SORCS1: variants seen among roughly 807,000 people sequenced by gnomAD.
SORCS1 encodes the protein sortilin related VPS10 domain containing receptor 1.
A neutral mutation model predicts 146.1 loss-of-function variants in SORCS1; 60 were observed. The ratio of observed to expected loss-of-function variants is 0.41; its 90% CI spans 0.33 to 0.51. The LOEUF is 0.51. Among genes scored for constraint, SORCS1 ranks in the 20% least tolerant of loss-of-function variants. The pLI, the probability that SORCS1 is intolerant of heterozygous loss-of-function variation, is 0.21. For synonymous variants in SORCS1, 637 were observed against 584.0 expected (o/e 1.09, Z -1.31); for missense variants, 1,352 against 1,487.6 (o/e 0.91, Z 1.50).
At chr10:107,121,574 G>T (rs1966414495) in intron 1 of SORCS1, among the ~76,000 whole-genome samples, 1 of 151,904 alleles carries the variant, frequency 6.6e-6, no homozygotes, top group Admixed American at 6.6e-5. Flanking sequence ...AATGTAAAAT[G>T]GCTAACTGTG....
Position 107,164,668 on chromosome 10 carries a change from G to A in SORCS1, c.-142C>T, listed in dbSNP as rs1714527387. ...CGCGGTGGGGGCGGGCGGAGGCGGC[G>A]CCGGGCAGGTGGCGGCCGCTTGCCC... On this transcript the variant is annotated 5_prime_UTR_variant, in exon 1 of 26. Coordinates refer to ENST00000263054, the MANE Select transcript of SORCS1 (RefSeq NM_052918.5). This position sits in a 1 kb window ranked among gnomAD's most constrained non-coding sequence, Gnocchi z 6.8. 4.7e-6 allele frequency: 3 copies of A among 643,876 alleles called. No homozygotes were observed. The highest frequency in any genetic ancestry group is 6.7e-6 in the Non-Finnish European group (3 of 450,292). 39.9% of individuals were successfully genotyped at this position (643,876 alleles called of 1,614,324 possible).
At chr10:106,827,206 C>CTTTTTTTTTTTTTT (rs71025560) in intron 3 of SORCS1, among the ~76,000 whole-genome samples, 1 of 135,908 alleles carries the variant, frequency 7.4e-6, no homozygotes, top group Non-Finnish European at 1.6e-5. Flanking sequence ...TATTTGGCAT[C>CTTTTTTTTTTTTTT]TTTTTTTTTT....
intron 5 of SORCS1, 24 bp downstream of exon 5, chr10:106,761,564 G>T (rs748185169): frequency 8.1e-6 from 13 of 1,599,640 alleles, no homozygotes; most frequent in Non-Finnish European, 1.1e-5. Flanking sequence ...ATCTTAATGT[G>T]CTACAAGATA....
intron 18 of SORCS1, among the ~76,000 whole-genome samples, chr10:106,648,505 T>C (rs1374783412): frequency 6.6e-6 from 1 of 152,236 alleles, no homozygotes; most frequent in African/African-American, 2.4e-5. Context: ...TGATTATCAT[T>C]CTTGGTCTGC....
chr10:106,947,795 C>T (rs1379955563), intron 2 of SORCS1, among the ~76,000 whole-genome samples: 1 of 151,644 alleles, frequency 6.6e-6, no homozygotes, highest in Non-Finnish European at 1.5e-5. Context: ...TTGCAGTGAG[C>T]CGAGAACATG....
intron 23 of SORCS1, among the ~76,000 whole-genome samples, chr10:106,603,616 G>C (rs1465005671): frequency 5.3e-5 from 8 of 152,092 alleles, no homozygotes; most frequent in Non-Finnish European, 1.5e-5. Context: ...ACTGCAGGGG[G>C]ATCTGTACTG....
intron 1 of SORCS1, among the ~76,000 whole-genome samples, chr10:107,084,567 C>T (rs182966123): frequency 6.4e-4 from 97 of 150,812 alleles, no homozygotes; most frequent in Non-Finnish European, 1.3e-3. Flanking sequence ...AATTTTCTGG[C>T]GTAAAAAAAA....
chr10:106,859,847 CCATCTA>C (rs1265487312), intron 2 of SORCS1, among the ~76,000 whole-genome samples: 1 of 152,184 alleles, frequency 6.6e-6, no homozygotes, highest in Non-Finnish European at 1.5e-5. Context: ...TACCAGATGG[CCATCTA>C]CTAGGAGCAA....
intron 3 of SORCS1, among the ~76,000 whole-genome samples, chr10:106,823,260 C>G (rs1948144692): frequency 6.6e-6 from 1 of 152,062 alleles, no homozygotes; most frequent in African/African-American, 2.4e-5. Context: ...CTCCTCTTGG[C>G]CTCCCTAGAT....
intron 8 of SORCS1, among the ~76,000 whole-genome samples, chr10:106,704,465 G>C (rs1197460929): frequency 2.0e-5 from 3 of 152,186 alleles, no homozygotes; most frequent in Non-Finnish European, 4.4e-5. Context: ...GCCAAGGCAG[G>C]CGGATCACGA....
chr10:106,967,085 T>A (rs538573056), intron 1 of SORCS1, among the ~76,000 whole-genome samples: 1 of 148,574 alleles, frequency 6.7e-6, no homozygotes, highest in South Asian at 2.2e-4. Context: ...GGTTCTTCTA[T>A]TTCCCAAGTT....
At chr10:106,793,701 T>C (rs901697488) in intron 3 of SORCS1, among the ~76,000 whole-genome samples, 1 of 152,188 alleles carries the variant, frequency 6.6e-6, no homozygotes, top group Non-Finnish European at 1.5e-5. Context: ...CAGTTAAGCA[T>C]TACCCAAAAT....
intron 3 of SORCS1, among the ~76,000 whole-genome samples, chr10:106,783,721 C>T (rs956487076): frequency 6.6e-6 from 1 of 152,130 alleles, no homozygotes; most frequent in Non-Finnish European, 1.5e-5. Flanking sequence ...ATGGTTCATA[C>T]CCCAGATTTT....
intron 1 of SORCS1, among the ~76,000 whole-genome samples, chr10:107,018,975 G>T (rs1318413010): frequency 6.6e-6 from 1 of 152,168 alleles, no homozygotes; most frequent in East Asian, 1.9e-4. Flanking sequence ...GCTCAGCTCT[G>T]CTATTCAATA....
intron 5 of SORCS1, among the ~76,000 whole-genome samples, chr10:106,742,016 T>C (rs113501877): frequency 2.6e-5 from 4 of 152,298 alleles, no homozygotes; most frequent in African/African-American, 7.2e-5. Context: ...TTGGTACTTC[T>C]GCAAAAATAC....
chr10:106,737,414 T>C (rs1857031324), intron 5 of SORCS1, among the ~76,000 whole-genome samples: 1 of 142,966 alleles, frequency 7.0e-6, no homozygotes, highest in Non-Finnish European at 1.5e-5. Context: ...CTCTTTGTCT[T>C]TGTTGTTTCT....
In SORCS1 at chr10:106,773,876, G is replaced by C. The variant is rs544868957; in HGVS notation, c.885+2658C>G. Among the ~76,000 whole-genome samples, 3 of 152,180 alleles carry C rather than the reference G, an allele frequency of 2.0e-5. No homozygotes were observed. The East Asian group carries it at 5.8e-4, about 29-fold the overall frequency. On this transcript the variant is annotated intron_variant, in intron 4 of 25. Coordinates refer to ENST00000263054, the MANE Select transcript of SORCS1 (RefSeq NM_052918.5). ...AGGCAGGAGAATCGCCTGAACCCTG[G>C]AGGCAGAGATTGCAGTGAGCCCAGA...
intron 1 of SORCS1, among the ~76,000 whole-genome samples, chr10:107,013,613 C>A (rs1455373039): frequency 1.3e-5 from 2 of 152,090 alleles, no homozygotes; most frequent in Non-Finnish European, 2.9e-5. Context: ...CTAGATGAAA[C>A]CTAAAGAGCT....
In SORCS1 at chr10:107,126,600, G is replaced by A. The variant is rs11193205; in HGVS notation, c.558+37369C>T. On this transcript the variant is annotated intron_variant, in intron 1 of 25. Coordinates refer to ENST00000263054, the MANE Select transcript of SORCS1 (RefSeq NM_052918.5). ...CTTTGGGATGAAGTCAGAAATCCTC[G>A]TTAGGAACCTTTCTCTGCATATTTG... Among the ~76,000 whole-genome samples the A allele has an allele frequency of 6.2e-3, 947 of 152,138 alleles. 6 individuals are homozygous for A. The highest frequency in any genetic ancestry group is 0.011 in the Non-Finnish European group (720 of 68,014).
Sources: gnomAD v4.1 joint callset for allele counts (sites outside exome capture counted in the v4.1 genomes callset) on GRCh38, gnomAD v4.1.1 for gene constraint, Gnocchi (gnomAD v3.1) non-coding constraint, MANE v1.5 for transcripts, NCBI Gene and HGNC (gene_info 2026-07-23, HGNC 2026-07-21) for gene names.